ADGRL4: variants seen among roughly 807,000 people sequenced by gnomAD.
The protein encoded by ADGRL4 is adhesion G protein-coupled receptor L4, also known as EGF, latrophilin and seven transmembrane domain containing 1.
In ADGRL4, 90 loss-of-function variants were observed where a neutral mutation model predicts 74.8. That is an observed-to-expected ratio of 1.20 (90% CI 1.02 to 1.43). ADGRL4 has a LOEUF of 1.43. ADGRL4 is among the 40% of genes most tolerant of loss of function. ADGRL4 has a pLI of 0.00. For synonymous variants in ADGRL4, 311 were observed against 279.2 expected, an observed-to-expected ratio of 1.11 and a Z score of -1.14; for missense variants, 881 against 814.3, an observed-to-expected ratio of 1.08 and a Z score of -1.00.
At chr1:78,994,183 C>A (rs1214725436) in intron 2 of ADGRL4, among the ~76,000 whole-genome samples, 1 of 152,072 alleles carries the variant, frequency 6.6e-6, no homozygotes, top group Non-Finnish European at 1.5e-5. Flanking sequence ...ACAGAGCAAA[C>A]CAATGTAAAG....
chr1:78,906,147 T>A (rs1157161873), intron 12 of ADGRL4, among the ~76,000 whole-genome samples: 2 of 152,008 alleles, frequency 1.3e-5, no homozygotes, highest in African/African-American at 2.4e-5. Context: ...GGCACACTGG[T>A]AGGCCACAAC....
At chr1:78,945,459 G>T (rs1481339852) in intron 3 of ADGRL4, among the ~76,000 whole-genome samples, 1 of 151,838 alleles carries the variant, frequency 6.6e-6, no homozygotes, top group Non-Finnish European at 1.5e-5. Flanking sequence ...CCATGCTTAA[G>T]ATTATTTAAA....
At chr1:78,932,222 G>C (rs1649257511) in intron 7 of ADGRL4, among the ~76,000 whole-genome samples, 1 of 150,864 alleles carries the variant, frequency 6.6e-6, no homozygotes, top group African/African-American at 2.5e-5. Context: ...AATCATAACA[G>C]TCTCTCAGAT....
Position 78,939,185 on chromosome 1 carries a change from T to C in ADGRL4, c.396+3A>G. The C allele has an allele frequency of 6.4e-7, 1 of 1,562,270 alleles. No homozygotes were observed. Among genetic ancestry groups the C allele is most frequent in the South Asian group, 1.2e-5 (1 of 83,166 alleles). On this transcript the variant is annotated splice_donor_region_variant and intron_variant, in intron 4 of 14. Transcript: ENST00000370742. ...AAAATAAATTGTTAACTGTTCTACT[T>C]ACTTTTGTTAAAGTTTTATTAATAT... is the stretch of plus-strand genomic sequence containing the variant.
chr1:78,896,815 G>T (rs1648409006), intron 12 of ADGRL4, among the ~76,000 whole-genome samples: 1 of 152,084 alleles, frequency 6.6e-6, no homozygotes, highest in South Asian at 2.1e-4. Flanking sequence ...GGCTTTTAAG[G>T]TCTGAATGAT....
At chr1:78,968,882 C>T (rs1407713238) in intron 2 of ADGRL4, among the ~76,000 whole-genome samples, 1 of 152,124 alleles carries the variant, frequency 6.6e-6, no homozygotes, top group Non-Finnish European at 1.5e-5. Context: ...CTCTCAAATA[C>T]AAGTTTCTGA....
intron 2 of ADGRL4, among the ~76,000 whole-genome samples, chr1:78,996,233 G>C (rs145660559): frequency 3.9e-5 from 6 of 152,264 alleles, no homozygotes; most frequent in Non-Finnish European, 8.8e-5. Flanking sequence ...TCATCCTCCT[G>C]ATAACAGTCA....
At chr1:78,893,283 A>G in intron 12 of ADGRL4, 94 bp from the exon 13 acceptor site, 2 of 800,782 alleles carry the variant, frequency 2.5e-6, no homozygotes, top group South Asian at 1.6e-5. Flanking sequence ...AATAAGATAG[A>G]AACTAAAAAT....
chr1:78,903,973 ATAAATAAT>A (rs1648574786), intron 12 of ADGRL4, among the ~76,000 whole-genome samples: 3 of 102,306 alleles, frequency 2.9e-5, no homozygotes, highest in South Asian at 3.8e-4. Flanking sequence ...AAATAAATAA[ATAAATAAT>A]AATAATAATA....
chr1:78,892,212 T>C (rs546754742), intron 13 of ADGRL4, among the ~76,000 whole-genome samples: 1 of 152,296 alleles, frequency 6.6e-6, no homozygotes, highest in Admixed American at 6.5e-5. Context: ...AGGGTTTTGT[T>C]TTATTTTGTT....
chr1:79,004,414 C>G (rs750017289), intron 2 of ADGRL4, among the ~76,000 whole-genome samples: 1 of 151,958 alleles, frequency 6.6e-6, no homozygotes. Flanking sequence ...CACGAAATTA[C>G]GTAAATTTGA....
chr1:78,940,812 A>G (rs1016228993), intron 3 of ADGRL4, among the ~76,000 whole-genome samples: 1 of 152,124 alleles, frequency 6.6e-6, no homozygotes, highest in East Asian at 1.9e-4. Context: ...AGGTGTTCGT[A>G]ATTTCTCACT....
intron 7 of ADGRL4, among the ~76,000 whole-genome samples, chr1:78,927,761 T>C (rs938928680): frequency 2.6e-5 from 4 of 152,100 alleles, no homozygotes; most frequent in Admixed American, 6.6e-5. Context: ...ATAACAAAAC[T>C]GGAAACCTCC....
chr1:78,929,339 A>G (rs1231961826), intron 7 of ADGRL4, among the ~76,000 whole-genome samples: 1 of 151,228 alleles, frequency 6.6e-6, no homozygotes, highest in Non-Finnish European at 1.5e-5. Context: ...ATATGGCAAA[A>G]CCACGTCTCT....
chr1:78,981,824 A>G (rs1650402342), intron 2 of ADGRL4, among the ~76,000 whole-genome samples: 1 of 151,828 alleles, frequency 6.6e-6, no homozygotes, highest in African/African-American at 2.4e-5. Flanking sequence ...ATTAAATACA[A>G]ATTTAATTAT....
At chr1:78,901,484 C>T (rs1570212661) in intron 12 of ADGRL4, among the ~76,000 whole-genome samples, 1 of 152,128 alleles carries the variant, frequency 6.6e-6, no homozygotes, top group South Asian at 2.1e-4. Context: ...AAGGATTGAA[C>T]CCAGAAAATG....
At position 78,921,662 on chromosome 1, in the gene ADGRL4, C is replaced by A; in HGVS notation, c.1208G>T (p.Cys403Phe). 6.3e-7 allele frequency: 1 copy of A among 1,592,758 alleles called. No individual in the cohort carries two copies. Among genetic ancestry groups the A allele is most frequent in the South Asian group, 1.1e-5 (1 of 88,282 alleles). Residue 403 changes from cysteine to phenylalanine, a missense_variant, in exon 9 of 15, where the codon TGT becomes TTT. Coordinates refer to ENST00000370742, the MANE Select transcript of ADGRL4 (RefSeq NM_022159.4). Reference protein sequence around the residue: ...YSNETHTSCRCNHLTHFAILM... With the variant: ...YSNETHTSCRFNHLTHFAILM... Reference sequence around the variant, plus strand: ...AATTGCAAAATGTGTCAGGTGATTACAGCGGCATGAGGTGTGGGTCTCATT... The same window carrying A: ...AATTGCAAAATGTGTCAGGTGATTAAAGCGGCATGAGGTGTGGGTCTCATT...
intron 2 of ADGRL4, among the ~76,000 whole-genome samples, chr1:78,998,516 T>G (rs1395748308): frequency 6.6e-6 from 1 of 151,878 alleles, no homozygotes; most frequent in Non-Finnish European, 1.5e-5. Flanking sequence ...ACTACAGGCA[T>G]GTGCCACCAT....
chr1:78,897,306 A>G (rs1211556529), intron 12 of ADGRL4, among the ~76,000 whole-genome samples: 1 of 152,088 alleles, frequency 6.6e-6, no homozygotes, highest in Non-Finnish European at 1.5e-5. Flanking sequence ...AAAATTTCTG[A>G]TAAGTCAGTT....
Sources: gnomAD v4.1 joint callset for allele counts (sites outside exome capture counted in the v4.1 genomes callset) on GRCh38, gnomAD v4.1.1 for gene constraint, MANE v1.5 for transcripts, NCBI Gene and HGNC (gene_info 2026-07-23, HGNC 2026-07-21) for gene names.